COL14A1: variants seen among roughly 807,000 people sequenced by gnomAD.
COL14A1 encodes the protein collagen type XIV alpha 1 chain, also known as collagen alpha-1(XIV) chain.
Under a neutral mutation model 230.3 loss-of-function variants are expected in COL14A1, and 136 were observed. The ratio of observed to expected loss-of-function variants is 0.59; its 90% CI spans 0.51 to 0.68. COL14A1 has a LOEUF of 0.68. Among genes scored for constraint, COL14A1 ranks in the 30% least tolerant of loss-of-function variants. The pLI, the probability that COL14A1 is intolerant of heterozygous loss-of-function variation, is 0.00. For synonymous variants in COL14A1, 792 were observed against 784.1 expected (o/e 1.01, Z -0.17); for missense variants, 1,976 against 2,215.8 (o/e 0.89, Z 2.17).
intron 23 of COL14A1, among the ~76,000 whole-genome samples, chr8:120,262,202 G>A (rs1196887078): frequency 6.6e-6 from 1 of 152,116 alleles, no homozygotes; most frequent in Non-Finnish European, 1.5e-5. Flanking sequence ...GCCAGGCATG[G>A]TATCTCGTGC....
At chr8:120,341,103 G>GT (rs1466163553) in intron 42 of COL14A1, among the ~76,000 whole-genome samples, 1 of 152,162 alleles carries the variant, frequency 6.6e-6, no homozygotes, top group African/African-American at 2.4e-5. Flanking sequence ...AATATACCAT[G>GT]TCTCTGCATA....
intron 26 of COL14A1, among the ~76,000 whole-genome samples, chr8:120,276,092 TCCAATGAGTAAA>T (rs1192704433): frequency 1.3e-5 from 2 of 151,068 alleles, no homozygotes; most frequent in Non-Finnish European, 3.0e-5. Flanking sequence ...GTGCCTGTCA[TCCAATGAGTAAA>T]GACAATGTTA....
intron 1 of COL14A1, among the ~76,000 whole-genome samples, chr8:120,144,229 T>C (rs1815013606): frequency 6.6e-6 from 1 of 152,228 alleles, no homozygotes; most frequent in Non-Finnish European, 1.5e-5. Flanking sequence ...AGCTCAAATG[T>C]AGTATCATTA....
chr8:120,234,095 C>T (rs1199302608), intron 19 of COL14A1, among the ~76,000 whole-genome samples: 3 of 129,574 alleles, frequency 2.3e-5, no homozygotes, highest in South Asian at 5.0e-4. Context: ...AATAGGAGTT[C>T]GCTCATGATT....
intron 4 of COL14A1, among the ~76,000 whole-genome samples, chr8:120,166,778 A>G (rs578214285): frequency 6.6e-6 from 1 of 152,262 alleles, no homozygotes; most frequent in South Asian, 2.1e-4. Flanking sequence ...GTGAATAGTA[A>G]TAGAGAAAGA....
chr8:120,334,591 C>A (rs865815647), intron 42 of COL14A1, among the ~76,000 whole-genome samples: 1 of 134,132 alleles, frequency 7.5e-6, no homozygotes, highest in African/African-American at 3.1e-5. Context: ...CAAAAACACA[C>A]ACACACACAC....
At chr8:120,133,071 C>G (rs1471998562) in intron 1 of COL14A1, among the ~76,000 whole-genome samples, 2 of 151,984 alleles carry the variant, frequency 1.3e-5, no homozygotes, top group East Asian at 3.9e-4. Context: ...CAAAAATTAG[C>G]CAGGCATGGT....
At chr8:120,174,579 TA>T (rs2130610410) in intron 5 of COL14A1, among the ~76,000 whole-genome samples, 1 of 152,328 alleles carries the variant, frequency 6.6e-6, no homozygotes, top group African/African-American at 2.4e-5. Flanking sequence ...TCACTGGAGA[TA>T]TGTTTGAACA....
intron 32 of COL14A1, 127 bp from the exon 33 acceptor site, chr8:120,285,734 C>T (rs1820175086): frequency 3.0e-6 from 2 of 657,408 alleles, no homozygotes; most frequent in Non-Finnish European, 5.2e-6. Context: ...CACTTCCTTA[C>T]TCATCACATC....
chr8:120,328,880 A>G (rs1253850707), intron 40 of COL14A1, among the ~76,000 whole-genome samples: 2 of 152,180 alleles, frequency 1.3e-5, no homozygotes, highest in Non-Finnish European at 2.9e-5. Flanking sequence ...CCCTCTGGAC[A>G]CAGCCGAGCA....
chr8:120,237,412 AC>A (rs1435477177), intron 19 of COL14A1, among the ~76,000 whole-genome samples: 14 of 152,132 alleles, frequency 9.2e-5, no homozygotes, highest in African/African-American at 3.4e-4. Context: ...GGCTATTGAT[AC>A]CTGTGTATGC....
At chr8:120,210,707 C>A (rs905082098) in intron 12 of COL14A1, among the ~76,000 whole-genome samples, 1 of 152,066 alleles carries the variant, frequency 6.6e-6, no homozygotes, top group Non-Finnish European at 1.5e-5. Context: ...AATGACCAGG[C>A]AGGTGGAGTT....
intron 45 of COL14A1, among the ~76,000 whole-genome samples, chr8:120,362,014 A>G (rs1014915423): frequency 1.3e-5 from 2 of 152,232 alleles, no homozygotes; most frequent in Non-Finnish European, 2.9e-5. Context: ...GGTGATAAAC[A>G]CAGGGCTGAC....
At chr8:120,357,192 A>G (rs11782639) in intron 45 of COL14A1, among the ~76,000 whole-genome samples, 69,613 of 151,554 alleles carry the variant, frequency 0.46, 16,387 homozygotes, top group African/African-American at 0.59. Flanking sequence ...AGTCTTGCAT[A>G]AAGTTGCAGT....
chr8:120,252,312 A>C (rs1156526601), intron 22 of COL14A1, among the ~76,000 whole-genome samples: 1 of 152,200 alleles, frequency 6.6e-6, no homozygotes, highest in Non-Finnish European at 1.5e-5. Flanking sequence ...TACTGTACCC[A>C]ATACATAGTC....
intron 24 of COL14A1, among the ~76,000 whole-genome samples, chr8:120,265,061 A>G (rs1312020365): frequency 6.6e-6 from 1 of 152,088 alleles, no homozygotes; most frequent in East Asian, 1.9e-4. Context: ...ATGCAGGTAA[A>G]GACTATTCCC....
chr8:120,366,551 T>C (rs1329725227), intron 45 of COL14A1, among the ~76,000 whole-genome samples: 1 of 152,216 alleles, frequency 6.6e-6, no homozygotes, highest in Non-Finnish European at 1.5e-5. Context: ...AGTATATGTT[T>C]CTTTGTTGTT....
intron 38 of COL14A1, 63 bp downstream of exon 38, chr8:120,314,090 G>T (rs184111938): frequency 4.1e-6 from 5 of 1,227,594 alleles, no homozygotes; most frequent in Non-Finnish European, 5.8e-6. Flanking sequence ...AGGTTACAAA[G>T]AATGAACTTT....
chr8:120,148,247 C>T (rs1369778519), intron 2 of COL14A1, among the ~76,000 whole-genome samples: 1 of 151,596 alleles, frequency 6.6e-6, no homozygotes, highest in Non-Finnish European at 1.5e-5. Context: ...ATTTTCCTGC[C>T]TCAGCCTCCC....
Sources: gnomAD v4.1 joint callset for allele counts (sites outside exome capture counted in the v4.1 genomes callset) on GRCh38, gnomAD v4.1.1 for gene constraint, MANE v1.5 for transcripts, NCBI Gene and HGNC (gene_info 2026-07-23, HGNC 2026-07-21) for gene names.